CFAP43: variants seen among roughly 807,000 people sequenced by gnomAD.
CFAP43 encodes cilia and flagella associated protein 43.
In CFAP43, 155 loss-of-function variants were observed where a neutral mutation model predicts 218.9. The ratio of observed to expected loss-of-function variants is 0.71; its 90% CI spans 0.62 to 0.81. CFAP43 has a LOEUF of 0.81. Among genes scored for constraint, CFAP43 ranks in the 30% least tolerant of loss-of-function variants. The pLI is 0.00. For synonymous variants in CFAP43, 645 were observed against 681.3 expected (o/e 0.95, Z 0.83); for missense variants, 1,778 against 1,954.3 (o/e 0.91, Z 1.70).
chr10:104,140,867 A>G lies in CFAP43; in HGVS notation c.4406T>C (p.Ile1469Thr), dbSNP rs1298003474. The stretch of plus-strand genomic sequence containing the variant: ...CCGAATCACAGAATTCAAGTCTTCA[A>G]TTATGTTCTTGTTGATGAGAATTGC... The part of the protein sequence containing the change: ...SDAILINKNI[I>T]EDLNSVIRTQ... Residue 1469 changes from isoleucine (I) to threonine (T), a missense_variant, in exon 34 of 38, where the codon ATT becomes ACT. Coordinates refer to ENST00000357060, the MANE Select transcript of CFAP43 (RefSeq NM_025145.7). 5 of 1,605,596 alleles carry G rather than the reference A, an allele frequency of 3.1e-6. No individual in the cohort carries two copies. The highest frequency in any genetic ancestry group is 8.5e-7 in the Non-Finnish European group (1 of 1,178,076).
intron 8 of CFAP43, among the ~76,000 whole-genome samples, chr10:104,198,737 GC>G (rs1186079963): frequency 5.4e-4 from 82 of 151,552 alleles, no homozygotes; most frequent in Middle Eastern, 3.5e-3. Flanking sequence ...TGCAACGTCT[GC>G]CTCCTGGGTT....
At chr10:104,222,241 C>T (rs1194821327) in intron 3 of CFAP43, among the ~76,000 whole-genome samples, 3 of 152,166 alleles carry the variant, frequency 2.0e-5, no homozygotes, top group Non-Finnish European at 2.9e-5. Flanking sequence ...ACTGCTGTCA[C>T]CAAGTGAGTT....
At chr10:104,191,982 C>T (rs1439769811) in intron 12 of CFAP43, among the ~76,000 whole-genome samples, 1 of 152,060 alleles carries the variant, frequency 6.6e-6, no homozygotes, top group Non-Finnish European at 1.5e-5. Flanking sequence ...ATTTATTTAG[C>T]ACCAACTATG....
At chr10:104,211,945 T>G in intron 5 of CFAP43, 62 bp downstream of exon 5, 3 of 1,545,872 alleles carry the variant, frequency 1.9e-6, no homozygotes, top group Non-Finnish European at 2.6e-6. Flanking sequence ...GCCAATCAAA[T>G]GAGATCAGGC....
chr10:104,155,388 T>G (rs1010382815), intron 27 of CFAP43, among the ~76,000 whole-genome samples: 2 of 152,224 alleles, frequency 1.3e-5, no homozygotes, highest in African/African-American at 4.8e-5. Context: ...TGGGTACCAG[T>G]GGCTGATCTA....
rs746035849 is a variant in CFAP43 at position 104,186,080 on chromosome 10, T to C, written c.1904A>G (p.Gln635Arg). ...IYILKPYKKV[Q>R]SRQYGPGLLY... is the part of the protein sequence containing the mutation. ...CAGTCCAGGTCCATACTGTCTGCTT[T>C]GTACTTTTTTGTATGGTTTAAGAAT... The change falls in exon 15 of 38, where the codon CAA (glutamine) becomes CGA (arginine). Residue 635 changes from glutamine (Q) to arginine (R), a missense_variant. Physicochemically the swap from Gln to Arg is conservative, Grantham distance 43 (BLOSUM62 1). Around this residue, in one of 3 missense-constraint regions of CFAP43, gnomAD observed 1,553 missense variants for 1,685.2 expected, o/e 0.92. Coordinates refer to ENST00000357060, the MANE Select transcript of CFAP43 (RefSeq NM_025145.7). The C allele has an allele frequency of 6.4e-7, 1 of 1,573,314 alleles. No homozygotes were observed. The highest frequency in any genetic ancestry group is 2.0e-5 in the Admixed American group (1 of 49,496).
intron 20 of CFAP43, among the ~76,000 whole-genome samples, chr10:104,169,454 A>G (rs1441790103): frequency 6.6e-6 from 1 of 152,172 alleles, no homozygotes. Context: ...TTTTCCACTT[A>G]AAAACATGTT....
chr10:104,131,340 T>C lies in CFAP43; in HGVS notation c.4822A>G (p.Asn1608Asp), dbSNP rs202186411. 3.7e-6 allele frequency: 6 copies of C among 1,610,466 alleles called. No homozygotes were observed. In the East Asian group the frequency reaches 1.3e-4, roughly 36 times the overall value. ...VAVSERKDICNAMGSKLTCEK... is the reference protein window; with the variant it reads ...VAVSERKDICDAMGSKLTCEK... The stretch of plus-strand genomic sequence containing the variant: ...AAAAAAGCATGCTTACCCATTGCAT[T>C]ACAGATGTCTTTTCTCTCTGAGACA... Residue 1608 changes from asparagine to aspartate, a missense_variant, in exon 37 of 38, where the codon AAT becomes GAT. Physicochemically the swap from Asn to Asp is conservative, Grantham distance 23. Around this residue, in one of 3 missense-constraint regions of CFAP43, gnomAD observed 211 missense variants for 230.6 expected, o/e 0.91. Transcript: ENST00000357060.
intron 27 of CFAP43, among the ~76,000 whole-genome samples, chr10:104,157,773 TGTGAGAGAGAGA>T (rs1170639677): frequency 3.0e-4 from 29 of 98,130 alleles, no homozygotes; most frequent in African/African-American, 8.2e-4. Flanking sequence ...TGTGTGTGTG[TGTGAGAGAGAGA>T]GAGAGAGAGA....
chr10:104,213,197 C>T (rs1185120124), intron 4 of CFAP43, among the ~76,000 whole-genome samples: 8 of 152,190 alleles, frequency 5.3e-5, no homozygotes, highest in Admixed American at 3.3e-4. Context: ...AGCAGAAAGG[C>T]TTCTCTTAAG....
intron 20 of CFAP43, among the ~76,000 whole-genome samples, chr10:104,170,971 C>T (rs953697204): frequency 2.0e-5 from 3 of 152,164 alleles, no homozygotes; most frequent in African/African-American, 7.2e-5. Context: ...TGGGCCTTTG[C>T]TCTTGCTGCT....
At chr10:104,193,795 G>A in intron 11 of CFAP43, 71 bp downstream of exon 11, 11 of 1,523,290 alleles carry the variant, frequency 7.2e-6, no homozygotes, top group Non-Finnish European at 9.7e-6. Context: ...TTAAAAGAAA[G>A]GATGGCTTCA....
intron 31 of CFAP43, among the ~76,000 whole-genome samples, chr10:104,144,408 T>C (rs1206099530): frequency 1.3e-5 from 2 of 152,172 alleles, no homozygotes; most frequent in Non-Finnish European, 2.9e-5. Context: ...CCCAACACTT[T>C]GGGAGGTTGA....
intron 20 of CFAP43, 58 bp from the exon 21 acceptor site, chr10:104,168,906 T>C: frequency 7.3e-7 from 1 of 1,367,844 alleles, no homozygotes; most frequent in Non-Finnish European, 1.0e-6. Context: ...TCAGAAATAA[T>C]AATCTCCATT....
At chr10:104,191,113 T>A (rs755064679) in intron 12 of CFAP43, among the ~76,000 whole-genome samples, 67 of 152,334 alleles carry the variant, frequency 4.4e-4, no homozygotes, top group South Asian at 1.5e-3. Flanking sequence ...CTCATCTTTT[T>A]AATTTCATTC....
At chr10:104,194,045 C>G (rs1251971001) in intron 10 of CFAP43, 31 bp from the exon 11 acceptor site, 12 of 1,607,390 alleles carry the variant, frequency 7.5e-6, no homozygotes, top group Non-Finnish European at 9.3e-6. Context: ...ATGCGTATCT[C>G]TATTGTGCCT....
intron 3 of CFAP43, among the ~76,000 whole-genome samples, chr10:104,216,638 C>A (rs2091019246): frequency 6.6e-6 from 1 of 152,114 alleles, no homozygotes; most frequent in South Asian, 2.1e-4. Context: ...TTCTCATCTC[C>A]TCCTCTCCCC....
intron 14 of CFAP43, 44 bp downstream of exon 14, chr10:104,187,276 T>G (rs756374701): frequency 1.2e-5 from 18 of 1,521,818 alleles, no homozygotes; most frequent in Non-Finnish European, 1.6e-5. Context: ...TGTATCAATC[T>G]TGATTGCTAA....
chr10:104,232,110 G>A, intron 1 of CFAP43, 72 bp downstream of exon 1: 2 of 1,520,498 alleles, frequency 1.3e-6, no homozygotes, highest in Non-Finnish European at 1.8e-6. Flanking sequence ...CGGAGGGAGA[G>A]GAGGGAGGAG....
Sources: allele counts gnomAD v4.1 joint callset (sites outside exome capture counted in the v4.1 genomes callset), GRCh38; gene constraint gnomAD v4.1.1; regional missense constraint gnomAD v4.1.1; transcripts MANE v1.5; gene names NCBI Gene and HGNC (gene_info 2026-07-23, HGNC 2026-07-21).